The following INPP4B variants were observed in gnomAD, a reference collection of about 807,000 sequenced individuals.
INPP4B encodes the protein inositol polyphosphate-4-phosphatase type II B.
Under a neutral mutation model 122.5 loss-of-function variants are expected in INPP4B, and 55 were observed. That is an observed-to-expected ratio of 0.45 (90% CI 0.36 to 0.56). The LOEUF (loss-of-function observed/expected upper bound fraction) is 0.56, where lower values mean the gene tolerates loss of function less well. Among genes scored for constraint, INPP4B ranks in the 20% least tolerant of loss-of-function variants. The probability of loss-of-function intolerance (pLI) is 0.00; values close to 1 mark genes in which losing one functional copy is unlikely to be tolerated. For missense variants in INPP4B, 1,000 were observed against 1,097.7 expected, an observed-to-expected ratio of 0.91 and a Z score of 1.26; for synonymous variants, 403 against 388.7, an observed-to-expected ratio of 1.04 and a Z score of -0.43.
chr4:142,206,716 G>A (rs191135080), intron 14 of INPP4B, among the ~76,000 whole-genome samples: 36 of 151,798 alleles, frequency 2.4e-4, no homozygotes, highest in African/African-American at 7.2e-4. Context: ...CCATTACCAC[G>A]ACTTATGCCA....
At chr4:142,035,464 AC>A (rs1743288453) in intron 25 of INPP4B, among the ~76,000 whole-genome samples, 1 of 152,152 alleles carries the variant, frequency 6.6e-6, no homozygotes, top group South Asian at 2.1e-4. Flanking sequence ...GATACTATTC[AC>A]CTAGAACCTT....
chr4:142,561,635 G>C (rs1428331502), intron 2 of INPP4B, among the ~76,000 whole-genome samples: 1 of 152,064 alleles, frequency 6.6e-6, no homozygotes, highest in Non-Finnish European at 1.5e-5. Flanking sequence ...TGGCCAGGCT[G>C]GTCTCGAACT....
chr4:142,092,400 C>T (rs1035669024), intron 23 of INPP4B, among the ~76,000 whole-genome samples: 1 of 152,164 alleles, frequency 6.6e-6, no homozygotes, highest in African/African-American at 2.4e-5. Flanking sequence ...AAGGGGTTCT[C>T]CCGCCTCAGC....
rs1816965321 is a variant in INPP4B, at chr4:142,462,730, C to CA, written c.-190-5dup. 2 of 152,130 alleles carry CA rather than the reference C, an allele frequency of 1.3e-5. No homozygotes were observed. Among genetic ancestry groups the CA allele is most frequent in the Middle Eastern group, 6.8e-3 (2 of 292 alleles). The allele number at this position is 152,130 out of a possible 1,614,324, so 9.4% of individuals were successfully genotyped here. On this transcript the variant is annotated splice_region_variant and splice_polypyrimidine_tract_variant and intron_variant, in intron 2 of 25. Coordinates refer to ENST00000262992, the MANE Select transcript of INPP4B (RefSeq NM_001101669.3). ...TTGTTTCGCTGGTTTCAAGGCTCTG[C>CA]AAAAAACAAAATGGAAAGAAGTCAG...
chr4:142,182,463 G>A (rs912158918), intron 15 of INPP4B, among the ~76,000 whole-genome samples: 4 of 143,922 alleles, frequency 2.8e-5, no homozygotes, highest in African/African-American at 7.8e-5. Flanking sequence ...CAGGAGAACT[G>A]CTTGAACCCG....
intron 7 of INPP4B, among the ~76,000 whole-genome samples, chr4:142,345,073 G>A (rs1779893315): frequency 6.6e-6 from 1 of 151,854 alleles, no homozygotes; most frequent in Admixed American, 6.6e-5. Context: ...CCTTTGCTGG[G>A]TTCTGCTTAT....
chr4:142,832,653 T>A (rs1782291252), intron 1 of INPP4B, among the ~76,000 whole-genome samples: 1 of 152,204 alleles, frequency 6.6e-6, no homozygotes, highest in Admixed American at 6.5e-5. Flanking sequence ...ACACCCAGTA[T>A]ATGAATTTAA....
intron 2 of INPP4B, among the ~76,000 whole-genome samples, chr4:142,467,528 GTTTTTTT>G (rs750884339): frequency 6.7e-6 from 1 of 148,664 alleles, no homozygotes; most frequent in African/African-American, 2.5e-5. Context: ...TAAATAACTA[GTTTTTTT>G]TTTGTTTTTT....
At chr4:142,504,390 T>C (rs1823749026) in intron 2 of INPP4B, among the ~76,000 whole-genome samples, 1 of 152,120 alleles carries the variant, frequency 6.6e-6, no homozygotes, top group Admixed American at 6.6e-5. Flanking sequence ...GAAACTCTAA[T>C]ACACTTCCAG....
chr4:142,360,006 T>C (rs182383175), intron 7 of INPP4B, among the ~76,000 whole-genome samples: 11 of 152,066 alleles, frequency 7.2e-5, no homozygotes, highest in Non-Finnish European at 1.3e-4. Flanking sequence ...GCTTTAAAAA[T>C]TATACTAGAA....
At chr4:142,085,082 C>T (rs902215324) in intron 24 of INPP4B, among the ~76,000 whole-genome samples, 3 of 152,138 alleles carry the variant, frequency 2.0e-5, no homozygotes, top group Non-Finnish European at 4.4e-5. Flanking sequence ...TGCCTGAAAG[C>T]GACATTTCAT....
intron 2 of INPP4B, among the ~76,000 whole-genome samples, chr4:142,714,644 G>C (rs1174275910): frequency 6.6e-6 from 1 of 152,060 alleles, no homozygotes; most frequent in Non-Finnish European, 1.5e-5. Flanking sequence ...GTTGTTACAA[G>C]AAAAATCAAT....
At chr4:142,366,252 T>C (rs1346878536) in intron 7 of INPP4B, among the ~76,000 whole-genome samples, 2 of 151,760 alleles carry the variant, frequency 1.3e-5, no homozygotes, top group Non-Finnish European at 2.9e-5. Flanking sequence ...TAAGAACTAA[T>C]GATAATCCAC....
intron 9 of INPP4B, among the ~76,000 whole-genome samples, chr4:142,275,273 CA>C (rs1747833960): frequency 6.6e-6 from 1 of 151,794 alleles, no homozygotes; most frequent in Non-Finnish European, 1.5e-5. Flanking sequence ...AAAACATCTC[CA>C]GAAGTATTAA....
intron 2 of INPP4B, among the ~76,000 whole-genome samples, chr4:142,581,121 G>T (rs537256888): frequency 6.6e-6 from 1 of 151,824 alleles, no homozygotes; most frequent in East Asian, 1.9e-4. Flanking sequence ...ATAAAGAAAA[G>T]GACCAAAAAT....
At chr4:142,251,268 T>C (rs982391695) in intron 11 of INPP4B, among the ~76,000 whole-genome samples, 1 of 152,170 alleles carries the variant, frequency 6.6e-6, no homozygotes, top group African/African-American at 2.4e-5. Context: ...TGTCTTATAA[T>C]TATAGTATAG....
At chr4:142,246,041 T>C (rs1283091617) in intron 11 of INPP4B, among the ~76,000 whole-genome samples, 3 of 97,026 alleles carry the variant, frequency 3.1e-5, no homozygotes, top group African/African-American at 7.4e-5. Flanking sequence ...CACGTGTGTG[T>C]ATACACACAT....
At chr4:142,809,794 G>A (rs993806096) in intron 1 of INPP4B, among the ~76,000 whole-genome samples, 2 of 151,890 alleles carry the variant, frequency 1.3e-5, no homozygotes, top group African/African-American at 4.8e-5. Flanking sequence ...TCAAGTTGCA[G>A]CCAATGACTC....
chr4:142,059,276 A>C (rs1485870323), intron 25 of INPP4B, among the ~76,000 whole-genome samples: 1 of 152,124 alleles, frequency 6.6e-6, no homozygotes, highest in Admixed American at 6.6e-5. Context: ...CCTATCCGGT[A>C]ATAATACCAG....
Sources: allele counts gnomAD v4.1 joint callset (sites outside exome capture counted in the v4.1 genomes callset), GRCh38; gene constraint gnomAD v4.1.1; transcripts MANE v1.5; gene names NCBI Gene and HGNC (gene_info 2026-07-23, HGNC 2026-07-21).